Variants in PTRHD1 observed in about 807,000 individuals in gnomAD.
PTRHD1 encodes the protein putative peptidyl-tRNA hydrolase PTRHD1.
PTRHD1 carries 12 observed loss-of-function variants against 13.6 expected under a neutral mutation model. The observed-to-expected ratio is 0.88, with a 90% CI of 0.57 to 1.43. The LOEUF is 1.43. Among genes scored for constraint, PTRHD1 ranks in the 40% most tolerant of loss-of-function variants. The probability of loss-of-function intolerance (pLI) is 0.00; values close to 1 mark genes in which losing one functional copy is unlikely to be tolerated. For missense variants in PTRHD1, 203 were observed against 184.7 expected, an observed-to-expected ratio of 1.10 and a Z score of -0.57; for synonymous variants, 86 against 79.5, an observed-to-expected ratio of 1.08 and a Z score of -0.43.
intron 1 of PTRHD1, among the ~76,000 whole-genome samples, chr2:24,792,087 A>C (rs541585191): frequency 6.6e-6 from 1 of 152,330 alleles, no homozygotes; most frequent in African/African-American, 2.4e-5. Context: ...AATCTAAGTG[A>C]AAAGCCAGCA....
intron 1 of PTRHD1, 37 bp downstream of exon 1, chr2:24,793,089 A>C: frequency 1.3e-6 from 2 of 1,594,656 alleles, no homozygotes; most frequent in Non-Finnish European, 1.7e-6. Flanking sequence ...TCCGCCCTCG[A>C]TGTCTCAGCA....
Position 24,793,171 on chromosome 2 carries a change from G to A in PTRHD1, c.207C>T (p.Ala69=). Reference sequence around the variant, plus strand: ...TGCGCCCCAGCTCTTGGAGGTAAGCGGCTGTGTGCGGGTGGTCGCGGTGAG... The same window carrying A: ...TGCGCCCCAGCTCTTGGAGGTAAGCAGCTGTGTGCGGGTGGTCGCGGTGAG... ...LHTHRDHPHT[A]AYLQELGRMR... Residue 69 remains alanine (A), a synonymous_variant, in exon 1 of 2, where the codon GCC becomes GCT. Coordinates refer to ENST00000328379, the MANE Select transcript of PTRHD1 (RefSeq NM_001013663.2). 1.1e-5 allele frequency: 17 copies of A among 1,613,452 alleles called. No homozygotes were observed. The highest frequency in any genetic ancestry group is 1.3e-5 in the African/African-American group (1 of 75,068).
rs144240867 is a variant in PTRHD1 at position 24,790,175 on chromosome 2, G to C, written c.*236C>G. On this transcript the variant is annotated 3_prime_UTR_variant, in exon 2 of 2. Transcript: ENST00000328379. ...GGGAGTTTCCTTGAGCCCCACAGGA[G>C]AGTCTAACCAAATCTTCTATTTGAG... 6.1e-5 allele frequency: 28 copies of C among 457,680 alleles called. No individual in the cohort carries two copies. Among genetic ancestry groups the C allele is most frequent in the Middle Eastern group, 1.2e-3 (2 of 1,694 alleles). 28.4% of individuals were successfully genotyped at this position (457,680 alleles called of 1,614,324 possible). A position where few individuals can be genotyped will look rare whatever the true frequency, so the allele number is the denominator to read the frequency against.
In PTRHD1 at chr2:24,793,319, G is replaced by T; in HGVS notation, c.59C>A (p.Ala20Glu). 1 of 1,613,866 alleles carries T rather than the reference G, an allele frequency of 6.2e-7. No individual in the cohort carries two copies. Among genetic ancestry groups the T allele is most frequent in the African/African-American group, 1.3e-5 (1 of 75,086 alleles). ...GTATTGTACCAGGACCTGCGGCTCCGCCCCAGAGGCCGCCATCTTCCTGAC... is the reference window on the plus strand; with the variant it reads ...GTATTGTACCAGGACCTGCGGCTCCTCCCCAGAGGCCGCCATCTTCCTGAC... ...RVVRKMAASG[A>E]EPQVLVQYLV... Residue 20 changes from alanine (A) to glutamate (E), a missense_variant, in exon 1 of 2, where the codon GCG (alanine) becomes GAG (glutamate). Transcript: ENST00000328379.
At chr2:24,792,811 G>T in intron 1 of PTRHD1, 2 of 463,558 alleles carry the variant, frequency 4.3e-6, no homozygotes, top group Non-Finnish European at 3.9e-6. Context: ...TGTCCCTTCG[G>T]GCTCGGTTTT....
At chr2:24,792,831 C>T (rs1325720666) in intron 1 of PTRHD1, 1 of 505,486 alleles carries the variant, frequency 2.0e-6, no homozygotes, top group African/African-American at 1.9e-5. Flanking sequence ...TGCAGGAGGA[C>T]AGCACTTTGG....
Position 24,790,276 on chromosome 2 carries a change from A to G in PTRHD1, c.*135T>C. 1 of 985,876 alleles carries G rather than the reference A, an allele frequency of 1.0e-6. No homozygotes were observed. The highest frequency in any genetic ancestry group is 1.5e-6 in the Non-Finnish European group (1 of 677,202). 61.1% of individuals were successfully genotyped at this position (985,876 alleles called of 1,614,324 possible). On this transcript the variant is annotated 3_prime_UTR_variant, in exon 2 of 2. Coordinates refer to ENST00000328379, the MANE Select transcript of PTRHD1 (RefSeq NM_001013663.2). ...TAATAAGAGGAAGTAGTTATTAATGACAACTTTAATATGAACATGTGCTTA... is the reference window on the plus strand; with the variant it reads ...TAATAAGAGGAAGTAGTTATTAATGGCAACTTTAATATGAACATGTGCTTA...
At position 24,790,933 on chromosome 2, in the gene PTRHD1, TTTTC is replaced by T. The variant is rs1490427938; in HGVS notation, c.253-356_253-353del. Among the ~76,000 whole-genome samples, 354 of 115,972 alleles carry T rather than the reference TTTTC, an allele frequency of 3.1e-3. 1 individual carries two copies. The highest frequency in any genetic ancestry group is 4.3e-3 in the Non-Finnish European group (214 of 50,296). The allele number at this position is 115,972 out of a possible 152,430, so 76.1% of individuals were successfully genotyped here. A position where few individuals can be genotyped will look rare whatever the true frequency, so the allele number is the denominator to read the frequency against. The stretch of plus-strand genomic sequence containing the variant: ...CTGCCTAGTGGAAGTTTTTTTTTTT[TTTTC>T]TTTTGAGACAGAGTCTTGCTCTGTC... On this transcript the variant is annotated intron_variant, in intron 1 of 1. Coordinates refer to ENST00000328379, the MANE Select transcript of PTRHD1 (RefSeq NM_001013663.2).
Position 24,790,145 on chromosome 2 carries a change from TG to T in PTRHD1, c.*265del, listed in dbSNP as rs1309052602. On this transcript the variant is annotated 3_prime_UTR_variant, in exon 2 of 2. Coordinates refer to ENST00000328379, the MANE Select transcript of PTRHD1 (RefSeq NM_001013663.2). The stretch of plus-strand genomic sequence containing the variant: ...AAGCAAAGTTTCAAACCCGAGTGAC[TG>T]GAAGGGAGTTTCCTTGAGCCCCACA... The T allele has an allele frequency of 2.9e-6, 1 of 340,746 alleles. No individual in the cohort carries two copies. The allele number at this position is 340,746 out of a possible 1,614,324, so 21.1% of individuals were successfully genotyped here.
intron 1 of PTRHD1, 46 bp downstream of exon 1, chr2:24,793,080 C>T (rs754955475): frequency 1.0e-5 from 16 of 1,583,464 alleles, no homozygotes; most frequent in Non-Finnish European, 1.4e-5. Flanking sequence ...ACACCCACTT[C>T]CGCCCTCGAT....
intron 1 of PTRHD1, chr2:24,792,908 C>A: frequency 1.6e-6 from 1 of 618,454 alleles, no homozygotes; most frequent in South Asian, 2.0e-5. Flanking sequence ...CACCACTTTA[C>A]CGCGAGCCCA....
chr2:24,790,198 G>A lies in PTRHD1; in HGVS notation c.*213C>T. ...GAGAGTCTAACCAAATCTTCTATTT[G>A]AGCAATGATCCCCAGACAATACTGC... On this transcript the variant is annotated 3_prime_UTR_variant, in exon 2 of 2. Transcript: ENST00000328379. 2.0e-6 allele frequency: 1 copy of A among 509,370 alleles called. No individual in the cohort carries two copies. Among genetic ancestry groups the A allele is most frequent in the Non-Finnish European group, 3.4e-6 (1 of 296,296 alleles). The allele number at this position is 509,370 out of a possible 1,614,324, so 31.6% of individuals were successfully genotyped here. A position where few individuals can be genotyped will look rare whatever the true frequency, so the allele number is the denominator to read the frequency against.
intron 1 of PTRHD1, 66 bp from the exon 2 acceptor site, chr2:24,790,647 AG>A: frequency 6.8e-7 from 1 of 1,467,252 alleles, no homozygotes; most frequent in Non-Finnish European, 9.2e-7. Context: ...AGGCCAAAAA[AG>A]GTTTCGGGAG....
At position 24,790,588 on chromosome 2, in the gene PTRHD1, GAGA is replaced by G. The variant is rs745927239; in HGVS notation, c.253-10_253-8del. On this transcript the variant is annotated splice_region_variant and splice_polypyrimidine_tract_variant and intron_variant, in intron 1 of 1. Transcript: ENST00000328379. Reference sequence around the variant, plus strand: ...GGGTGGTCTCATCTGGGGCCTAAAGGAGAAGAACACAGAACACAAACTGAATAG... The same window carrying G: ...GGGTGGTCTCATCTGGGGCCTAAAGGAGAACACAGAACACAAACTGAATAG... The G allele has an allele frequency of 6.8e-6, 11 of 1,611,104 alleles. No individual in the cohort carries two copies. The highest frequency in any genetic ancestry group is 9.3e-6 in the Non-Finnish European group (11 of 1,178,652).
At chr2:24,790,669 T>C in intron 1 of PTRHD1, 88 bp from the exon 2 acceptor site, 1 of 1,223,472 alleles carries the variant, frequency 8.2e-7, no homozygotes, top group Non-Finnish European at 1.1e-6. Context: ...TCCTCTTGCC[T>C]GAAAGTGGAG....
At chr2:24,791,225 C>G (rs1024431521) in intron 1 of PTRHD1, among the ~76,000 whole-genome samples, 2 of 152,030 alleles carry the variant, frequency 1.3e-5, no homozygotes, top group Non-Finnish European at 2.9e-5. Flanking sequence ...ATGCCCGGCC[C>G]CTAGTGGAAG....
rs1558364132 is a variant in PTRHD1 at position 24,793,110 on chromosome 2, CGCCCGAGT to C, written c.252+8_252+15del. On this transcript the variant is annotated splice_region_variant and intron_variant, in intron 1 of 1. Coordinates refer to ENST00000328379, the MANE Select transcript of PTRHD1 (RefSeq NM_001013663.2). ...CTCGATGTCTCAGCACCTCCCCCTC[CGCCCGAGT>C]GCCTCACCTCGAGGACCACTTTGCG... is the stretch of plus-strand genomic sequence containing the variant. 1.2e-6 allele frequency: 2 copies of C among 1,606,778 alleles called. No homozygotes were observed. Among genetic ancestry groups the C allele is most frequent in the Non-Finnish European group, 1.7e-6 (2 of 1,176,480 alleles).
chr2:24,793,148 C>T lies in PTRHD1; in HGVS notation c.230G>A (p.Arg77His). 2 of 1,612,956 alleles carry T rather than the reference C, an allele frequency of 1.2e-6. No homozygotes were observed. The highest frequency in any genetic ancestry group is 1.7e-6 in the Non-Finnish European group (2 of 1,179,580). Residue 77 changes from arginine to histidine, a missense_variant, in exon 1 of 2, where the codon CGC becomes CAC. Physicochemically the swap from Arg to His is conservative, Grantham distance 29. Transcript: ENST00000328379. ...HTAAYLQELGRMRKVVLEAPD... is the reference protein window; with the variant it reads ...HTAAYLQELGHMRKVVLEAPD... The stretch of plus-strand genomic sequence containing the variant: ...CACCTCGAGGACCACTTTGCGCATG[C>T]GCCCCAGCTCTTGGAGGTAAGCGGC...
chr2:24,793,339 C>T lies in PTRHD1; in HGVS notation c.39G>A (p.Arg13=). 1 of 1,613,822 alleles carries T rather than the reference C, an allele frequency of 6.2e-7. No individual in the cohort carries two copies. Among genetic ancestry groups the T allele is most frequent in the Non-Finnish European group, 8.5e-7 (1 of 1,180,028 alleles). Residue 13 remains arginine, a synonymous_variant, in exon 1 of 2, where the codon AGG becomes AGA. Coordinates refer to ENST00000328379, the MANE Select transcript of PTRHD1 (RefSeq NM_001013663.2). ...GCTCCGCCCCAGAGGCCGCCATCTT[C>T]CTGACCACCCGAAAGGCCGGACCTA... The part of the protein sequence containing the change: ...RGVGPAFRVV[R]KMAASGAEPQ...
Sources: allele counts gnomAD v4.1 joint callset (sites outside exome capture counted in the v4.1 genomes callset), GRCh38; gene constraint gnomAD v4.1.1; transcripts MANE v1.5; gene names NCBI Gene and HGNC (gene_info 2026-07-23, HGNC 2026-07-21).